ABLIM1: variants seen among roughly 807,000 people sequenced by gnomAD.
ABLIM1 encodes the protein actin binding LIM protein 1.
Under a neutral mutation model 107.0 loss-of-function variants are expected in ABLIM1, and 40 were observed. That is an observed-to-expected ratio of 0.37 (90% CI 0.29 to 0.49). The LOEUF is 0.49. ABLIM1 is among the 20% of genes least tolerant of loss of function. The pLI is 0.97. For synonymous variants in ABLIM1, 357 were observed against 357.3 expected, an observed-to-expected ratio of 1.00 and a Z score of 0.01; for missense variants, 857 against 1,008.5, an observed-to-expected ratio of 0.85 and a Z score of 2.04.
At chr10:114,495,947 G>C (rs1412454585) in intron 6 of ABLIM1, among the ~76,000 whole-genome samples, 2 of 152,160 alleles carry the variant, frequency 1.3e-5, no homozygotes. Context: ...ACCTCACAAT[G>C]ATACTGGTGT....
chr10:114,493,286 G>A (rs1188435257), intron 6 of ABLIM1, among the ~76,000 whole-genome samples: 4 of 152,118 alleles, frequency 2.6e-5, no homozygotes, highest in East Asian at 1.9e-4. Flanking sequence ...AAGTTAGTCC[G>A]GGCAATCTCT....
intron 2 of ABLIM1, among the ~76,000 whole-genome samples, chr10:114,597,745 T>G (rs73362823): frequency 6.6e-6 from 1 of 152,080 alleles, no homozygotes; most frequent in Non-Finnish European, 1.5e-5. Context: ...TCAGTAAGTC[T>G]GCTGAAAACA....
intron 12 of ABLIM1, among the ~76,000 whole-genome samples, chr10:114,453,782 G>C (rs1161482407): frequency 6.6e-6 from 1 of 152,140 alleles, no homozygotes; most frequent in Non-Finnish European, 1.5e-5. Flanking sequence ...TTAGATGGAG[G>C]GGAGATTGGG....
intron 1 of ABLIM1, among the ~76,000 whole-genome samples, chr10:114,708,818 A>T (rs2141925575): frequency 6.6e-6 from 1 of 152,288 alleles, no homozygotes; most frequent in South Asian, 2.1e-4. Flanking sequence ...ATGTTCAGGG[A>T]CCACCTTCAA....
intron 12 of ABLIM1, among the ~76,000 whole-genome samples, chr10:114,461,881 T>C (rs2064014537): frequency 6.6e-6 from 1 of 151,936 alleles, no homozygotes; most frequent in Non-Finnish European, 1.5e-5. Context: ...TTTTAGAGAG[T>C]GTTGCACCTA....
intron 4 of ABLIM1, among the ~76,000 whole-genome samples, chr10:114,568,366 T>A (rs2071115197): frequency 6.6e-6 from 1 of 152,116 alleles, no homozygotes; most frequent in Admixed American, 6.6e-5. Context: ...AACCTGCACG[T>A]CCTGCACATG....
chr10:114,711,486 C>T (rs546084738), intron 1 of ABLIM1, among the ~76,000 whole-genome samples: 7 of 152,302 alleles, frequency 4.6e-5, no homozygotes, highest in Admixed American at 3.9e-4. Flanking sequence ...TAACACCAGG[C>T]GTGCCAGCCC....
chr10:114,762,650 A>G (rs2058579072), intron 1 of ABLIM1, among the ~76,000 whole-genome samples: 1 of 152,232 alleles, frequency 6.6e-6, no homozygotes, highest in African/African-American at 2.4e-5. Flanking sequence ...CCTTTGAGGT[A>G]GCCACTGCTA....
chr10:114,704,334 A>C (rs200403855), intron 1 of ABLIM1, among the ~76,000 whole-genome samples: 10,065 of 61,284 alleles, frequency 0.16, 1,085 homozygotes, highest in East Asian at 0.25. Context: ...ATATATATAT[A>C]TTGCGCGCGT....
chr10:114,636,383 C>G (rs1346201947), intron 1 of ABLIM1, among the ~76,000 whole-genome samples: 1 of 152,146 alleles, frequency 6.6e-6, no homozygotes, highest in African/African-American at 2.4e-5. Flanking sequence ...CCTAAGCTAT[C>G]TATTTCTTTC....
At chr10:114,684,721 G>GAA in exon 1 of ABLIM1, 1 of 1,035,526 alleles carries the variant, frequency 9.7e-7, no homozygotes, top group Non-Finnish European at 1.2e-6. Flanking sequence ...AATGTTCCTA[G>GAA]GATTTTCCTG....
In ABLIM1 at chr10:114,654,764, A is replaced by T. The variant is rs369081665; in HGVS notation, c.244+3193T>A. On this transcript the variant is annotated intron_variant, in intron 1 of 22. Transcript: ENST00000533213. ...CAGTGCTGTCTGGATGGGGAATCTG[A>T]GCCTCCTCTTCACAGATCTCTCTAG... Among the ~76,000 whole-genome samples, 3 of 152,172 alleles carry T rather than the reference A, an allele frequency of 2.0e-5. No individual in the cohort carries two copies. In the East Asian group the frequency reaches 5.8e-4, roughly 29 times the overall value.
At chr10:114,695,936 C>T (rs2081185925) in intron 1 of ABLIM1, among the ~76,000 whole-genome samples, 1 of 152,194 alleles carries the variant, frequency 6.6e-6, no homozygotes, top group Non-Finnish European at 1.5e-5. Flanking sequence ...GCAACTGATG[C>T]TTATCCACAC....
At chr10:114,609,977 G>C (rs1490039670) in intron 1 of ABLIM1, among the ~76,000 whole-genome samples, 1 of 152,166 alleles carries the variant, frequency 6.6e-6, no homozygotes, top group East Asian at 1.9e-4. Context: ...TCTTACTTTG[G>C]CCACATTTGG....
intron 6 of ABLIM1, among the ~76,000 whole-genome samples, chr10:114,516,384 C>T (rs1340307897): frequency 6.6e-6 from 1 of 152,036 alleles, no homozygotes; most frequent in East Asian, 1.9e-4. Context: ...ATTAGCCAAC[C>T]ATGGTAGTGT....
At chr10:114,560,017 G>A (rs577683114) in intron 4 of ABLIM1, among the ~76,000 whole-genome samples, 1 of 152,290 alleles carries the variant, frequency 6.6e-6, no homozygotes, top group South Asian at 2.1e-4. Flanking sequence ...TGGTGCCCAT[G>A]CCATAGCCTG....
At chr10:114,585,245 C>T (rs557992024) in intron 2 of ABLIM1, among the ~76,000 whole-genome samples, 3 of 152,304 alleles carry the variant, frequency 2.0e-5, no homozygotes, top group Non-Finnish European at 4.4e-5. Flanking sequence ...TCTACATTCT[C>T]TACTATTCCT....
rs534870039 is a variant in ABLIM1 at position 114,598,206 on chromosome 10, G to A, written c.379+3621C>T. On this transcript the variant is annotated intron_variant, in intron 2 of 22. Transcript: ENST00000533213. ...GGAGAATCGCTTGAACCCGGAAGGCGGAGGTTGCAGCGAGCCAAGATCACT... is the reference window on the plus strand; with the variant it reads ...GGAGAATCGCTTGAACCCGGAAGGCAGAGGTTGCAGCGAGCCAAGATCACT... 1.4e-4 allele frequency among the ~76,000 whole-genome samples: 21 copies of A among 147,852 alleles called. No homozygotes were observed. The South Asian group carries it at 1.7e-3, about 12-fold the overall frequency.
intron 6 of ABLIM1, among the ~76,000 whole-genome samples, chr10:114,501,337 G>A (rs1389676751): frequency 6.6e-6 from 1 of 152,216 alleles, no homozygotes; most frequent in East Asian, 1.9e-4. Context: ...CAGAGCCAAT[G>A]TTGTTTTCCC....
Sources: allele counts gnomAD v4.1 joint callset (sites outside exome capture counted in the v4.1 genomes callset), GRCh38; gene constraint gnomAD v4.1.1; transcripts MANE v1.5; gene names NCBI Gene and HGNC (gene_info 2026-07-23, HGNC 2026-07-21).